The following GPR21 variants were observed in gnomAD, a reference collection of about 807,000 sequenced individuals.
The protein encoded by GPR21 is probable G protein-coupled receptor 21.
GPR21 carries 9 observed loss-of-function variants against 21.5 expected under a neutral mutation model. The ratio of observed to expected loss-of-function variants is 0.42; its 90% CI spans 0.25 to 0.73. The LOEUF is 0.73. Ranked by LOEUF, GPR21 falls within the 30% of genes least tolerant of loss-of-function variation. GPR21 has a pLI of 0.27. For synonymous variants in GPR21, 169 were observed against 159.3 expected (o/e 1.06, Z -0.46); for missense variants, 416 against 428.9 (o/e 0.97, Z 0.27).
chr9:123,039,246 T>A (rs937707129), downstream of GPR21, among the ~76,000 whole-genome samples: 14 of 152,156 alleles, frequency 9.2e-5, no homozygotes, highest in African/African-American at 3.4e-4. Context: ...ATGCTCATCC[T>A]CCTAAAATGA....
downstream of GPR21, among the ~76,000 whole-genome samples, chr9:123,035,962 A>G (rs546553949): frequency 3.3e-5 from 5 of 152,306 alleles, no homozygotes; most frequent in Admixed American, 6.5e-5. Context: ...CTGAGTGTGA[A>G]AAGCGTCAGC....
In GPR21 at chr9:123,034,705, A is replaced by G; in HGVS notation, c.139A>G (p.Ile47Val). The G allele has an allele frequency of 3.1e-6, 5 of 1,613,656 alleles. No individual in the cohort carries two copies. Among genetic ancestry groups the G allele is most frequent in the South Asian group, 2.2e-5 (2 of 91,084 alleles). ...FLTVLIISGN[I>V]IVIFVFHCAP... ...AACTGTATTGATTATTTCTGGCAAC[A>G]TCATTGTGATTTTTGTATTTCACTG... is the stretch of plus-strand genomic sequence containing the variant. Residue 47 changes from isoleucine to valine, a missense_variant, in exon 2 of 2, where the codon ATC (isoleucine) becomes GTC (valine). Coordinates refer to ENST00000616002, the MANE Select transcript of GPR21 (RefSeq NM_005294.3).
In GPR21 at chr9:123,035,263, A is replaced by G. The variant is rs779010522; in HGVS notation, c.697A>G (p.Ser233Gly). 3 of 1,614,174 alleles carry G rather than the reference A, an allele frequency of 1.9e-6. No individual in the cohort carries two copies. Among genetic ancestry groups the G allele is most frequent in the Non-Finnish European group, 2.5e-6 (3 of 1,180,014 alleles). ...KDISERQARFSSQSGETGEVQ... is the reference protein window; with the variant it reads ...KDISERQARFGSQSGETGEVQ... ...TATCAGCGAAAGGCAAGCCCGCTTC[A>G]GCAGCCAGAGTGGGGAGACTGGGGA... The change falls in exon 2 of 2, where the codon AGC (serine) becomes GGC (glycine). Residue 233 changes from serine (S) to glycine (G), a missense_variant. By Grantham distance (56) the Ser-to-Gly change is moderately conservative. Transcript: ENST00000616002.
the GPR21 span, among the ~76,000 whole-genome samples, chr9:123,047,919 G>GTTTTTTTTTTTTTTTTTTTT: frequency 1.1e-4 from 7 of 62,282 alleles, 1 homozygote; most frequent in Non-Finnish European, 2.5e-4. Context: ...CAGCTGCTGG[G>GTTTTTTTTTTTTTTTTTTTT]TTTTTTTTTT....
chr9:123,047,936 T>TTG, the GPR21 span, among the ~76,000 whole-genome samples: 1 of 80,864 alleles, frequency 1.2e-5, no homozygotes, highest in Non-Finnish European at 2.1e-5. Flanking sequence ...TTTTTTTTTT[T>TTG]TTTTTTTTTT....
At chr9:123,045,403 A>G in the GPR21 span, among the ~76,000 whole-genome samples, 1 of 152,188 alleles carries the variant, frequency 6.6e-6, no homozygotes, top group East Asian at 1.9e-4. Context: ...CATTTATAAA[A>G]GTTCCCCTTC....
chr9:123,041,696 C>CT, the GPR21 span, among the ~76,000 whole-genome samples: 1 of 152,200 alleles, frequency 6.6e-6, no homozygotes, highest in African/African-American at 2.4e-5. Flanking sequence ...CGAGTAGTAA[C>CT]TGACTCAGCG....
downstream of GPR21, among the ~76,000 whole-genome samples, chr9:123,037,733 GTA>G (rs1434359175): frequency 1.3e-5 from 2 of 152,018 alleles, no homozygotes; most frequent in South Asian, 2.1e-4. Flanking sequence ...TGTTGTGTGT[GTA>G]TGTGTTGGGA....
In GPR21 at chr9:123,035,360, G is replaced by C. The variant is rs755876037; in HGVS notation, c.794G>C (p.Trp265Ser). 3 of 1,613,978 alleles carry C rather than the reference G, an allele frequency of 1.9e-6. No individual in the cohort carries two copies. In the African/African-American group the frequency reaches 4.0e-5, roughly 22 times the overall value. The change falls in exon 2 of 2, where the codon TGG becomes TCG. Residue 265 changes from tryptophan to serine, a missense_variant. By Grantham distance (177) the Trp-to-Ser change is radical. Coordinates refer to ENST00000616002, the MANE Select transcript of GPR21 (RefSeq NM_005294.3). ...ATCACTAGTGTATTTTACATCCTCT[G>C]GTTGCCATATATCATCTACTTCTTG... ...FRITSVFYIL[W>S]LPYIIYFLLE...
At chr9:123,039,288 TG>T (rs748570513), downstream of GPR21, among the ~76,000 whole-genome samples, 18 of 152,304 alleles carry the variant, frequency 1.2e-4, no homozygotes, top group Admixed American at 2.6e-4. Flanking sequence ...AAAATTGCTT[TG>T]ATTTACTTCC....
At chr9:123,036,937 A>G (rs2032695011), downstream of GPR21, among the ~76,000 whole-genome samples, 1 of 152,026 alleles carries the variant, frequency 6.6e-6, no homozygotes, top group African/African-American at 2.4e-5. Flanking sequence ...CTTAAAAGTG[A>G]TTATCTTTAG....
chr9:123,034,746 C>T lies in GPR21; in HGVS notation c.180C>T (p.Asn60=). The T allele has an allele frequency of 6.2e-7, 1 of 1,613,684 alleles. No individual in the cohort carries two copies. The highest frequency in any genetic ancestry group is 8.5e-7 in the Non-Finnish European group (1 of 1,179,594). Residue 60 remains asparagine, a synonymous_variant, in exon 2 of 2, where the codon AAC becomes AAT. Coordinates refer to ENST00000616002, the MANE Select transcript of GPR21 (RefSeq NM_005294.3). ...IFVFHCAPLL[N]HHTTSYFIQT... is the part of the protein sequence containing the mutation. ...TATTTCACTGTGCACCTTTGTTGAACCATCACACTACAAGTTATTTTATCC... is the reference window on the plus strand; with the variant it reads ...TATTTCACTGTGCACCTTTGTTGAATCATCACACTACAAGTTATTTTATCC...
downstream of GPR21, among the ~76,000 whole-genome samples, chr9:123,039,849 T>C (rs1399490701): frequency 6.6e-6 from 1 of 152,154 alleles, no homozygotes; most frequent in Non-Finnish European, 1.5e-5. Context: ...TGGTTTTGCT[T>C]TTGTCTCCCT....
chr9:123,038,032 A>G (rs1260187921), downstream of GPR21, among the ~76,000 whole-genome samples: 1 of 152,180 alleles, frequency 6.6e-6, no homozygotes, highest in Non-Finnish European at 1.5e-5. Flanking sequence ...ATTTCATAGT[A>G]AATTTTAAAG....
downstream of GPR21, among the ~76,000 whole-genome samples, chr9:123,036,357 A>G (rs2032660624): frequency 6.6e-6 from 1 of 152,228 alleles, no homozygotes. Context: ...ATCGTGTAGT[A>G]CTTTTGCCCA....
At chr9:123,037,971 A>C (rs553623184), downstream of GPR21, among the ~76,000 whole-genome samples, 49 of 152,326 alleles carry the variant, frequency 3.2e-4, no homozygotes, top group African/African-American at 1.2e-3. Context: ...TTTATATGGC[A>C]TGTGACTGGT....
Position 123,034,550 on chromosome 9 carries a change from T to A in GPR21, c.-17T>A. The A allele has an allele frequency of 2.0e-6, 3 of 1,535,008 alleles. No individual in the cohort carries two copies. The highest frequency in any genetic ancestry group is 2.7e-6 in the Non-Finnish European group (3 of 1,127,716). ...CCAAGCGGCAGCATGAAGTGACAGATCACTCCTGAGCTCAAGATGAACTCC... is the reference window on the plus strand; with the variant it reads ...CCAAGCGGCAGCATGAAGTGACAGAACACTCCTGAGCTCAAGATGAACTCC... On this transcript the variant is annotated 5_prime_UTR_variant, in exon 2 of 2. Transcript: ENST00000616002.
At chr9:123,038,876 T>C (rs897969540), downstream of GPR21, among the ~76,000 whole-genome samples, 5 of 152,072 alleles carry the variant, frequency 3.3e-5, no homozygotes, top group African/African-American at 1.2e-4. Flanking sequence ...ATAGTAAAAA[T>C]GAAGTTGGAA....
chr9:123,039,074 C>T (rs2132013830), downstream of GPR21, among the ~76,000 whole-genome samples: 1 of 152,100 alleles, frequency 6.6e-6, no homozygotes, highest in East Asian at 1.9e-4. Flanking sequence ...AAGTGCTTTG[C>T]AAATAAAAAT....
Sources: allele counts gnomAD v4.1 joint callset (sites outside exome capture counted in the v4.1 genomes callset), GRCh38; gene constraint gnomAD v4.1.1; transcripts MANE v1.5; gene names NCBI Gene and HGNC (gene_info 2026-07-23, HGNC 2026-07-21).